PIEZO2: variants seen among roughly 807,000 people sequenced by gnomAD.
PIEZO2 encodes the protein piezo-type mechanosensitive ion channel component 2.
PIEZO2 carries 172 observed loss-of-function variants against 337.3 expected under a neutral mutation model. The observed-to-expected ratio is 0.51, with a 90% confidence interval of 0.45 to 0.58. PIEZO2 has a LOEUF of 0.58. Ranked by LOEUF, PIEZO2 falls within the 20% of genes least tolerant of loss-of-function variation. The pLI is 0.00. For synonymous variants in PIEZO2, 1,251 were observed against 1,228.5 expected (o/e 1.02, Z -0.38); for missense variants, 3,028 against 3,391.3 (o/e 0.89, Z 2.66).
rs1424976206 is a variant in PIEZO2, at chr18:10,982,571, T to C, written c.161-2911A>G. On this transcript the variant is annotated intron_variant, in intron 2 of 55. Transcript: ENST00000674853. The surrounding 1 kb of genome is among the most constrained non-coding windows in gnomAD (Gnocchi z 4.1). ...TTCAAAATATGTAAGAAAAGAATGC[T>C]TTGAAGAATTTCAACAAACATTTTA... Among the ~76,000 whole-genome samples the C allele has an allele frequency of 3.3e-5, 5 of 152,186 alleles. No individual in the cohort carries two copies. Among genetic ancestry groups the C allele is most frequent in the African/African-American group, 4.8e-5 (2 of 41,442 alleles).
At chr18:10,764,435 T>A (rs2038268700) in intron 21 of PIEZO2, among the ~76,000 whole-genome samples, 3 of 150,992 alleles carry the variant, frequency 2.0e-5, no homozygotes, top group South Asian at 4.2e-4. Flanking sequence ...AGGTCAGGAG[T>A]TCAAGACCGG....
intron 7 of PIEZO2, among the ~76,000 whole-genome samples, chr18:10,845,200 G>GTT (rs1555658863): frequency 2.0e-5 from 3 of 149,130 alleles, no homozygotes; most frequent in African/African-American, 7.5e-5. Flanking sequence ...GTGTGTGTGT[G>GTT]TATATATATA....
chr18:10,681,546 C>T, intron 51 of PIEZO2, 115 bp downstream of exon 51: 1 of 792,444 alleles, frequency 1.3e-6, no homozygotes, highest in South Asian at 1.7e-5. Flanking sequence ...AACTGATAAA[C>T]CCTGAAAAGT....
At chr18:10,708,762 T>G (rs1246644616) in intron 39 of PIEZO2, among the ~76,000 whole-genome samples, 1 of 152,256 alleles carries the variant, frequency 6.6e-6, no homozygotes, top group Admixed American at 6.5e-5. Flanking sequence ...TAATTATAAC[T>G]TCGTAACAGA....
chr18:10,815,065 C>A lies in PIEZO2; in HGVS notation c.918-7791G>T, dbSNP rs1402410752. ...TAAAACTAATTGTGGGGAAAATGGC[C>A]AGGCACTAAAAATAATTAACTTTTC... is the stretch of plus-strand genomic sequence containing the variant. On this transcript the variant is annotated intron_variant, in intron 7 of 55. Coordinates refer to ENST00000674853, the MANE Select transcript of PIEZO2 (RefSeq NM_001378183.1). This position sits in a 1 kb window ranked among gnomAD's most constrained non-coding sequence, Gnocchi z 4.1. Among the ~76,000 whole-genome samples the A allele has an allele frequency of 6.6e-6, 1 of 152,164 alleles. No homozygotes were observed. The highest frequency in any genetic ancestry group is 6.5e-5 in the Admixed American group (1 of 15,280).
At chr18:10,803,849 C>A in intron 9 of PIEZO2, 26 bp downstream of exon 9, 13 of 1,535,336 alleles carry the variant, frequency 8.5e-6, no homozygotes, top group Non-Finnish European at 1.1e-5. Context: ...AATTAGGGAA[C>A]GGAAATCCCT....
At chr18:10,835,802 C>A (rs188706017) in intron 7 of PIEZO2, among the ~76,000 whole-genome samples, 1 of 152,256 alleles carries the variant, frequency 6.6e-6, no homozygotes, top group Non-Finnish European at 1.5e-5. Flanking sequence ...CCTTGGCCTA[C>A]GGGCATGAGC....
rs2040931758 is a variant in PIEZO2 at position 10,834,091 on chromosome 18, A to G, written c.917+21262T>C. On this transcript the variant is annotated intron_variant, in intron 7 of 55. Coordinates refer to ENST00000674853, the MANE Select transcript of PIEZO2 (RefSeq NM_001378183.1). The surrounding 1 kb of genome is among the most constrained non-coding windows in gnomAD (Gnocchi z 4.5). Reference sequence around the variant, plus strand: ...TTGATACAGACATGCAATGTGTAACAATCACATCAGGGTAAGTGGGGTGTC... The same window carrying G: ...TTGATACAGACATGCAATGTGTAACGATCACATCAGGGTAAGTGGGGTGTC... 6.6e-6 allele frequency among the ~76,000 whole-genome samples: 1 copy of G among 152,246 alleles called. No homozygotes were observed. Among genetic ancestry groups the G allele is most frequent in the South Asian group, 2.1e-4 (1 of 4,830 alleles).
At chr18:11,106,990 T>G (rs1238594416) in intron 1 of PIEZO2, among the ~76,000 whole-genome samples, 1 of 152,156 alleles carries the variant, frequency 6.6e-6, no homozygotes, top group Non-Finnish European at 1.5e-5. Flanking sequence ...AGCTCTTGAC[T>G]AGGAACTAAG....
rs546846798 is a variant in PIEZO2 at position 11,100,107 on chromosome 18, A to G, written c.65-33885T>C. On this transcript the variant is annotated intron_variant, in intron 1 of 55. Transcript: ENST00000674853. ...AATTATGTATAAAATGGAAAACTGA[A>G]GCATCAATTTGTTGACAGATATTTT... Among the ~76,000 whole-genome samples, 8 of 152,310 alleles carry G rather than the reference A, an allele frequency of 5.3e-5. No homozygotes were observed. The East Asian group carries it at 1.3e-3, about 26-fold the overall frequency.
At chr18:10,728,046 T>C (rs2036612902) in intron 36 of PIEZO2, 1 of 152,178 alleles carries the variant, frequency 6.6e-6, no homozygotes, top group Admixed American at 6.6e-5. Flanking sequence ...GACAGAACGA[T>C]GCAGGAAAAT....
At position 10,797,411 on chromosome 18, in the gene PIEZO2, A is replaced by T; in HGVS notation, c.1490T>A (p.Met497Lys). ...HAMVSVFQFIMKQSYICALIA... is the reference protein window; with the variant it reads ...HAMVSVFQFIKKQSYICALIA... ...GAGGGCACAGATGTAACTTTGTTTC[A>T]TAATAAATTGGAATACGGAGACCAT... is the stretch of plus-strand genomic sequence containing the variant. Residue 497 changes from methionine to lysine, a missense_variant, in exon 12 of 56, where the codon ATG becomes AAG. Physicochemically the swap from Met to Lys is moderately conservative, Grantham distance 95. Transcript: ENST00000674853. 6.5e-7 allele frequency: 1 copy of T among 1,537,186 alleles called. No homozygotes were observed. Among genetic ancestry groups the T allele is most frequent in the Non-Finnish European group, 8.7e-7 (1 of 1,146,886 alleles).
At chr18:10,858,020 T>A (rs2041760698) in intron 5 of PIEZO2, among the ~76,000 whole-genome samples, 2 of 150,420 alleles carry the variant, frequency 1.3e-5, no homozygotes, top group Non-Finnish European at 3.0e-5. Context: ...TTTTTTTTTT[T>A]AAAGAAATCA....
At chr18:10,684,247 G>C (rs1455104207) in intron 49 of PIEZO2, among the ~76,000 whole-genome samples, 3 of 118,526 alleles carry the variant, frequency 2.5e-5, no homozygotes, top group African/African-American at 9.9e-5. Flanking sequence ...CTCACTGCAA[G>C]CTCCACCTCC....
chr18:10,987,430 A>G (rs1341812306), intron 2 of PIEZO2, among the ~76,000 whole-genome samples: 1 of 152,148 alleles, frequency 6.6e-6, no homozygotes, highest in East Asian at 1.9e-4. Flanking sequence ...CTCATTTTTG[A>G]CAAGGGCTCT....
At chr18:11,079,935 T>TA (rs1236986533) in intron 1 of PIEZO2, among the ~76,000 whole-genome samples, 2 of 152,132 alleles carry the variant, frequency 1.3e-5, no homozygotes, top group Non-Finnish European at 2.9e-5. Flanking sequence ...ATGCAACAAG[T>TA]AAAAAAACTA....
At chr18:11,058,644 C>A (rs2145883747) in intron 2 of PIEZO2, among the ~76,000 whole-genome samples, 1 of 152,068 alleles carries the variant, frequency 6.6e-6, no homozygotes, top group Middle Eastern at 3.4e-3. Flanking sequence ...GCTTCAGTAG[C>A]CAATTTGATC....
chr18:10,986,750 A>T (rs1224512777), intron 2 of PIEZO2, among the ~76,000 whole-genome samples: 1 of 151,954 alleles, frequency 6.6e-6, no homozygotes, highest in Non-Finnish European at 1.5e-5. Flanking sequence ...AATAAAAGAC[A>T]TCTAAGTTGA....
intron 7 of PIEZO2, among the ~76,000 whole-genome samples, chr18:10,809,088 G>T (rs899547288): frequency 6.6e-6 from 1 of 152,032 alleles, no homozygotes; most frequent in African/African-American, 2.4e-5. Context: ...AACTGATTTT[G>T]CACATTCCTA....
Sources: gnomAD v4.1 joint callset for allele counts (sites outside exome capture counted in the v4.1 genomes callset) on GRCh38, gnomAD v4.1.1 for gene constraint, Gnocchi (gnomAD v3.1) non-coding constraint, MANE v1.5 for transcripts, NCBI Gene and HGNC (gene_info 2026-07-23, HGNC 2026-07-21) for gene names.